PLS3: variants seen among roughly 807,000 people sequenced by gnomAD.
PLS3 encodes plastin 3.
PLS3 carries 11 observed loss-of-function variants against 46.5 expected under a neutral mutation model. That is an observed-to-expected ratio of 0.24 (90% CI 0.15 to 0.39). The LOEUF (loss-of-function observed/expected upper bound fraction) is 0.39, where lower values mean the gene tolerates loss of function less well. Among genes scored for constraint, PLS3 ranks in the 10% least tolerant of loss-of-function variants. The pLI, the probability that PLS3 is intolerant of heterozygous loss-of-function variation, is 1.00. For missense variants in PLS3, 308 were observed against 461.8 expected (o/e 0.67, Z 3.05); for synonymous variants, 167 against 162.2 (o/e 1.03, Z -0.22).
At chrX:115,621,516 T>G (rs1243972815) in intron 2 of PLS3, among the ~76,000 whole-genome samples, 1 of 111,869 alleles carries the variant, frequency 8.9e-6, no homozygotes, top group Non-Finnish European at 1.9e-5. Flanking sequence ...ACATTAGCCT[T>G]TTTCTCAATA....
intron 9 of PLS3, among the ~76,000 whole-genome samples, chrX:115,640,769 A>C (rs1385438815): frequency 9.0e-6 from 1 of 111,724 alleles, no homozygotes; most frequent in East Asian, 2.8e-4. Context: ...AGTAACTAGA[A>C]GCTAACCTTT....
chrX:115,640,778 T>C (rs1603244750), intron 9 of PLS3, among the ~76,000 whole-genome samples: 1 of 111,661 alleles, frequency 9.0e-6, no homozygotes, highest in East Asian at 2.8e-4. Context: ...AAGCTAACCT[T>C]TTCCAAGTAT....
intron 5 of PLS3, among the ~76,000 whole-genome samples, chrX:115,631,226 T>G (rs978799597): frequency 3.8e-5 from 4 of 106,449 alleles, no homozygotes; most frequent in Admixed American, 1.1e-4. Context: ...CGGCTAAATT[T>G]TTTTATTATT....
chrX:115,637,599 T>G (rs782100544), intron 8 of PLS3, among the ~76,000 whole-genome samples: 1 of 111,727 alleles, frequency 9.0e-6, no homozygotes, highest in Non-Finnish European at 1.9e-5. Context: ...AAACTAACAA[T>G]GGAGGAAGAC....
At chrX:115,562,196 T>A (rs1556629661) in intron 1 of PLS3, among the ~76,000 whole-genome samples, 1 of 110,897 alleles carries the variant, frequency 9.0e-6, no homozygotes, top group Admixed American at 9.5e-5. Flanking sequence ...CCCGCAGTAC[T>A]TAAGCGCTGT....
rs5987946 is a variant in PLS3 at position 115,622,591 on chromosome X, C to T, written c.237+182C>T. 0.049 allele frequency among the ~76,000 whole-genome samples: 5,476 copies of T among 111,115 alleles called. 105 individuals carry two copies. The highest frequency in any genetic ancestry group is 0.1 in the South Asian group (266 of 2,611). ...TTAGCTGCTGGAATATCTTAACAAA[C>T]GAATTGAGAAAAAGAGCACTGCAGA... On this transcript the variant is annotated intron_variant, in intron 3 of 15. Transcript: ENST00000355899.
intron 1 of PLS3, among the ~76,000 whole-genome samples, chrX:115,588,822 G>GT (rs1429834663): frequency 9.0e-6 from 1 of 110,784 alleles, no homozygotes; most frequent in African/African-American, 3.3e-5. Context: ...TCCTTTGTAT[G>GT]TTTTTATTAG....
At chrX:115,578,308 ACTC>A (rs781929392) in intron 1 of PLS3, among the ~76,000 whole-genome samples, 2 of 111,695 alleles carry the variant, frequency 1.8e-5, no homozygotes, top group East Asian at 5.6e-4. Flanking sequence ...CTTTATGACA[ACTC>A]CTTTTTATTT....
intron 1 of PLS3, among the ~76,000 whole-genome samples, chrX:115,596,474 A>T (rs1214117873): frequency 2.7e-5 from 3 of 111,690 alleles, no homozygotes; most frequent in Non-Finnish European, 3.8e-5. Context: ...GAAAGCTGAA[A>T]AGGGCTATAG....
intron 7 of PLS3, among the ~76,000 whole-genome samples, chrX:115,636,285 C>G (rs951945183): frequency 9.7e-6 from 1 of 103,447 alleles, no homozygotes; most frequent in Non-Finnish European, 2.0e-5. Context: ...TAGCTCACTG[C>G]AAGCTCCACC....
At chrX:115,577,090 G>T (rs1220834953) in intron 1 of PLS3, among the ~76,000 whole-genome samples, 1 of 112,069 alleles carries the variant, frequency 8.9e-6, no homozygotes, top group South Asian at 3.8e-4. Context: ...TAAACTCCAT[G>T]TCCAGGGTCA....
intron 1 of PLS3, among the ~76,000 whole-genome samples, chrX:115,567,709 C>CTTTT (rs782653479): frequency 4.6e-4 from 38 of 81,928 alleles, no homozygotes; most frequent in Non-Finnish European, 5.7e-4. Context: ...TTTTCTTCTT[C>CTTTT]TTTTTTTTTT....
At position 115,646,061 on chromosome X, in the gene PLS3, TA is replaced by T; in HGVS notation, c.1263-8del. 5.8e-6 allele frequency: 6 copies of T among 1,032,513 alleles called. No individual in the cohort carries two copies. Among genetic ancestry groups the T allele is most frequent in the Non-Finnish European group, 8.1e-6 (6 of 736,378 alleles). The allele number at this position is 1,032,513 out of a possible 1,213,427, so 85.1% of individuals were successfully genotyped here. On this transcript the variant is annotated splice_polypyrimidine_tract_variant and intron_variant, in intron 11 of 15. Coordinates refer to ENST00000355899, the MANE Select transcript of PLS3 (RefSeq NM_005032.7). ...CTGAAAACACTGATTACATTATTTT[TA>T]AATCATTAGTGACCTGCAAGATGCC...
intron 1 of PLS3, among the ~76,000 whole-genome samples, chrX:115,580,188 A>G (rs2074272387): frequency 1.8e-5 from 2 of 112,257 alleles, no homozygotes; most frequent in Admixed American, 1.9e-4. Flanking sequence ...TCATAGAACA[A>G]AAGGATTTAT....
chrX:115,596,742 C>T (rs782717281), intron 1 of PLS3, among the ~76,000 whole-genome samples: 4 of 110,831 alleles, frequency 3.6e-5, no homozygotes, highest in African/African-American at 1.3e-4. Context: ...AAAGCTGAGG[C>T]GGGAGAATCG....
intron 7 of PLS3, among the ~76,000 whole-genome samples, chrX:115,635,692 G>GA (rs2074826782): frequency 9.5e-6 from 1 of 105,190 alleles, no homozygotes; most frequent in Non-Finnish European, 2.0e-5. Context: ...AAAAAAGAGA[G>GA]AAAATGTAAG....
chrX:115,591,882 T>C (rs962677200), intron 1 of PLS3, among the ~76,000 whole-genome samples: 11 of 112,457 alleles, frequency 9.8e-5, no homozygotes, highest in Non-Finnish European at 1.5e-4. Flanking sequence ...CGGAAAAACA[T>C]GTCCTATGAC....
intron 1 of PLS3, among the ~76,000 whole-genome samples, chrX:115,573,101 A>T: frequency 9.3e-6 from 1 of 107,540 alleles, no homozygotes; most frequent in South Asian, 3.8e-4. Context: ...CTCAAAAAAA[A>T]AAAAAAAAAG....
intron 1 of PLS3, among the ~76,000 whole-genome samples, chrX:115,578,649 C>T (rs1243679191): frequency 2.3e-5 from 2 of 86,322 alleles, no homozygotes; most frequent in African/African-American, 4.6e-5. Context: ...GGCGTGAACC[C>T]GGGAGACGGA....
Sources: allele counts gnomAD v4.1 joint callset (sites outside exome capture counted in the v4.1 genomes callset), GRCh38; gene constraint gnomAD v4.1.1; transcripts MANE v1.5; gene names NCBI Gene and HGNC (gene_info 2026-07-23, HGNC 2026-07-21).